Variants in GPNMB observed in about 807,000 individuals in gnomAD.
GPNMB encodes glycoprotein nmb.
GPNMB carries 71 observed loss-of-function variants against 57.3 expected under a neutral mutation model. The ratio of observed to expected loss-of-function variants is 1.24; its 90% CI spans 1.02 to 1.51. The LOEUF (loss-of-function observed/expected upper bound fraction) is 1.51, where lower values mean the gene tolerates loss of function less well. GPNMB is among the 40% of genes most tolerant of loss of function. The pLI is 0.00. For missense variants in GPNMB, 677 were observed against 691.9 expected, an observed-to-expected ratio of 0.98 and a Z score of 0.24; for synonymous variants, 253 against 263.2, an observed-to-expected ratio of 0.96 and a Z score of 0.38.
At chr7:23,271,782 T>G (rs1337812237) in intron 9 of GPNMB, among the ~76,000 whole-genome samples, 1 of 151,618 alleles carries the variant, frequency 6.6e-6, no homozygotes, top group Admixed American at 6.6e-5. Flanking sequence ...GCCAACAGAG[T>G]GAGACTCCAT....
At chr7:23,256,244 T>C (rs995957770) in intron 3 of GPNMB, among the ~76,000 whole-genome samples, 1 of 152,206 alleles carries the variant, frequency 6.6e-6, no homozygotes, top group African/African-American at 2.4e-5. Context: ...ATACAACAAA[T>C]TGTTGTTAAC....
At chr7:23,268,166 CAT>C (rs1211327078) in intron 8 of GPNMB, among the ~76,000 whole-genome samples, 178 bp downstream of exon 8, 2 of 152,210 alleles carry the variant, frequency 1.3e-5, no homozygotes, top group African/African-American at 4.8e-5. Context: ...CAAGCACACA[CAT>C]GTTTTGCTAC....
intron 6 of GPNMB, among the ~76,000 whole-genome samples, chr7:23,261,898 T>G (rs1782934006): frequency 6.6e-6 from 1 of 152,190 alleles, no homozygotes; most frequent in Non-Finnish European, 1.5e-5. Context: ...AAGAGTCCAC[T>G]TTGGGTAGCA....
rs778170840 is a variant in GPNMB, at chr7:23,260,553, G to C, written c.798G>C (p.Leu266=). Residue 266 remains leucine (L), a synonymous_variant, in exon 6 of 11, where the codon CTG becomes CTC. Coordinates refer to ENST00000258733, the MANE Select transcript of GPNMB (RefSeq NM_002510.3). Reference sequence around the variant, plus strand: ...ATCTCCCCATTATGTTTGATGTCCTGATTCATGATCCTAGCCACTTCCTCA... The same window carrying C: ...ATCTCCCCATTATGTTTGATGTCCTCATTCATGATCCTAGCCACTTCCTCA... ...LKDLPIMFDV[L]IHDPSHFLNY... is the part of the protein sequence containing the mutation. 6.2e-7 allele frequency: 1 copy of C among 1,613,648 alleles called. No individual in the cohort carries two copies. Among genetic ancestry groups the C allele is most frequent in the Non-Finnish European group, 8.5e-7 (1 of 1,179,632 alleles).
chr7:23,254,293 T>C lies in GPNMB; in HGVS notation c.348T>C (p.Tyr116=). ...QKEDANGNIV[Y]EKNCRNEAGL... ...AAGATGCCAATGGCAACATAGTCTATGAGAAGAACTGCAGAAATGGTAAGA... is the reference window on the plus strand; with the variant it reads ...AAGATGCCAATGGCAACATAGTCTACGAGAAGAACTGCAGAAATGGTAAGA... Residue 116 remains tyrosine (Y), a synonymous_variant, in exon 3 of 11, where the codon TAT becomes TAC. Transcript: ENST00000258733. 1 of 1,613,310 alleles carries C rather than the reference T, an allele frequency of 6.2e-7. No homozygotes were observed. The highest frequency in any genetic ancestry group is 8.5e-7 in the Non-Finnish European group (1 of 1,179,286).
chr7:23,257,956 G>C (rs940801793), intron 4 of GPNMB: 5 of 152,056 alleles, frequency 3.3e-5, no homozygotes, highest in Admixed American at 6.6e-5. Context: ...AGCATTTGAT[G>C]ATATGATTTT....
chr7:23,267,485 C>A (rs1288740418), intron 7 of GPNMB, among the ~76,000 whole-genome samples: 1 of 152,140 alleles, frequency 6.6e-6, no homozygotes, highest in Non-Finnish European at 1.5e-5. Context: ...ATTCCATAGA[C>A]TGGGTGGCTT....
intron 1 of GPNMB, among the ~76,000 whole-genome samples, chr7:23,249,588 A>T (rs1386585337): frequency 6.6e-6 from 1 of 152,208 alleles, no homozygotes; most frequent in Non-Finnish European, 1.5e-5. Context: ...TTTAAAACCC[A>T]ACATAATTTC....
intron 6 of GPNMB, 98 bp downstream of exon 6, chr7:23,260,871 A>G: frequency 2.1e-6 from 2 of 974,462 alleles, no homozygotes; most frequent in Admixed American, 2.7e-5. Flanking sequence ...GGGATATTGT[A>G]AGGACTCTGC....
At chr7:23,248,214 G>C (rs951170306) in intron 1 of GPNMB, among the ~76,000 whole-genome samples, 4 of 152,176 alleles carry the variant, frequency 2.6e-5, no homozygotes, top group African/African-American at 9.7e-5. Flanking sequence ...GACGTGCATG[G>C]TGGGGATTGT....
intron 4 of GPNMB, 61 bp from the exon 5 acceptor site, chr7:23,259,919 A>G: frequency 6.6e-7 from 1 of 1,515,386 alleles, no homozygotes; most frequent in Non-Finnish European, 9.1e-7. Flanking sequence ...TCTTTAAGGA[A>G]CAGCTTCCTA....
chr7:23,257,305 A>T, intron 4 of GPNMB: 1 of 589,542 alleles, frequency 1.7e-6, no homozygotes, highest in Non-Finnish European at 3.0e-6. Context: ...GCTCTTTTTC[A>T]AAAAAACAAA....
rs572383292 is a variant in GPNMB at position 23,247,149 on chromosome 7, T to C, written c.70+222T>C. ...TTCGGCTCATGGAAAGTAAAAACTA[T>C]GCTGCCCTTCTCTTGTGAAGCTTCT... On this transcript the variant is annotated intron_variant, in intron 1 of 10. Coordinates refer to ENST00000258733, the MANE Select transcript of GPNMB (RefSeq NM_002510.3). 5.0e-5 allele frequency: 28 copies of C among 562,878 alleles called. No individual in the cohort carries two copies. In the African/African-American group the frequency reaches 5.1e-4, roughly 10 times the overall value. 34.9% of individuals were successfully genotyped at this position (562,878 alleles called of 1,614,324 possible).
Position 23,260,738 on chromosome 7 carries a change from C to T in GPNMB, c.983C>T (p.Pro328Leu). ...AAPGPCPPPP[P>L]PPRPSKPTPS... ...CCAGGACCTTGTCCGCCACCGCCAC[C>T]ACCACCCAGACCTTCAAAACCCACC... Residue 328 changes from proline to leucine, a missense_variant, in exon 6 of 11, where the codon CCA (proline) becomes CTA (leucine). Physicochemically the swap from Pro to Leu is moderately conservative, Grantham distance 98. Coordinates refer to ENST00000258733, the MANE Select transcript of GPNMB (RefSeq NM_002510.3). The T allele has an allele frequency of 6.3e-7, 1 of 1,587,734 alleles. No individual in the cohort carries two copies. Among genetic ancestry groups the T allele is most frequent in the Non-Finnish European group, 8.6e-7 (1 of 1,164,250 alleles).
In GPNMB at chr7:23,262,608, C is replaced by CTTTTTTT. The variant is rs58011121; in HGVS notation, c.1018+1857_1018+1863dup. 5.3e-4 allele frequency among the ~76,000 whole-genome samples: 33 copies of CTTTTTTT among 62,850 alleles called. 1 individual carries two copies. Among genetic ancestry groups the CTTTTTTT allele is most frequent in the Non-Finnish European group, 7.2e-4 (26 of 36,280 alleles). 41.2% of individuals were successfully genotyped at this position (62,850 alleles called of 152,430 possible). On this transcript the variant is annotated intron_variant, in intron 6 of 10. Transcript: ENST00000258733. Reference sequence around the variant, plus strand: ...GTACTGTCATTTATTTCACCATTCTCTTTTTTTTTTTTTTTTTTTTTTTTT... The same window carrying CTTTTTTT: ...GTACTGTCATTTATTTCACCATTCTCTTTTTTTTTTTTTTTTTTTTTTTTTTTTTTTT...
At chr7:23,268,083 G>T (rs1298640381) in intron 8 of GPNMB, 95 bp downstream of exon 8, 2 of 760,402 alleles carry the variant, frequency 2.6e-6, no homozygotes, top group Non-Finnish European at 4.6e-6. Flanking sequence ...CTTTTAAGTT[G>T]ATTTGAATTC....
chr7:23,257,038 A>G lies in GPNMB; in HGVS notation c.514A>G (p.Asn172Asp), dbSNP rs1420579947. Residue 172 changes from asparagine to aspartate, a missense_variant, in exon 4 of 11, where the codon AAT (asparagine) becomes GAT (aspartate). By Grantham distance (23) the Asn-to-Asp change is conservative. Transcript: ENST00000258733. The part of the protein sequence containing the change: ...FPHHPGWRRW[N>D]FIYVFHTLGQ... ...TCACCACCCCGGATGGAGAAGATGG[A>G]ATTTCATCTACGTCTTCCACACACT... The G allele has an allele frequency of 1.2e-6, 2 of 1,614,058 alleles. No individual in the cohort carries two copies. Among genetic ancestry groups the G allele is most frequent in the African/African-American group, 2.7e-5 (2 of 74,946 alleles).
In GPNMB at chr7:23,270,077, G is replaced by A. The variant is rs777971169; in HGVS notation, c.1331G>A (p.Arg444Gln). The change falls in exon 9 of 11, where the codon CGA becomes CAA. Residue 444 changes from arginine (R) to glutamine (Q), a missense_variant. Transcript: ENST00000258733. ...VDEMCLLTVR[R>Q]TFNGSGTYCV... ...GAGATGTGTCTGCTGACTGTGAGAC[G>A]AACCTTCAATGGGTCTGGGACGTAC... 1.7e-4 allele frequency: 267 copies of A among 1,613,922 alleles called. 2 individuals are homozygous for A. The highest frequency in any genetic ancestry group is 9.9e-4 in the South Asian group (90 of 91,080).
intron 4 of GPNMB, 68 bp downstream of exon 4, chr7:23,257,133 A>T (rs781053175): frequency 7.6e-7 from 1 of 1,322,424 alleles, no homozygotes; most frequent in South Asian, 1.2e-5. Context: ...CTCTTTTCTT[A>T]CTCTATAATT....
Sources: gnomAD v4.1 joint callset for allele counts (sites outside exome capture counted in the v4.1 genomes callset) on GRCh38, gnomAD v4.1.1 for gene constraint, MANE v1.5 for transcripts, NCBI Gene and HGNC (gene_info 2026-07-23, HGNC 2026-07-21) for gene names.